Variants in DNAH7 observed in about 807,000 individuals in gnomAD.
DNAH7 encodes axonemal beta dynein heavy chain 7.
A neutral mutation model predicts 444.6 loss-of-function variants in DNAH7; 397 were observed. The ratio of observed to expected loss-of-function variants is 0.89; its 90% CI spans 0.82 to 0.97. The LOEUF (loss-of-function observed/expected upper bound fraction) is 0.97, where lower values mean the gene tolerates loss of function less well. Among genes scored for constraint, DNAH7 ranks in the 50% least tolerant of loss-of-function variants. The probability of loss-of-function intolerance (pLI) is 0.00; values close to 1 mark genes in which losing one functional copy is unlikely to be tolerated. For synonymous variants in DNAH7, 1,636 were observed against 1,624.4 expected, an observed-to-expected ratio of 1.01 and a Z score of -0.17; for missense variants, 4,902 against 4,800.8, an observed-to-expected ratio of 1.02 and a Z score of -0.62.
intron 24 of DNAH7, among the ~76,000 whole-genome samples, chr2:195,914,408 G>A (rs945054140): frequency 2.6e-5 from 4 of 152,192 alleles, no homozygotes; most frequent in African/African-American, 9.7e-5. Context: ...CTGGGTACAA[G>A]GTACAGCTGT....
rs1393878668 is a variant in DNAH7 at position 195,861,841 on chromosome 2, G to A, written c.7612C>T (p.His2538Tyr). The change falls in exon 42 of 65, where the codon CAC (histidine) becomes TAC (tyrosine). Residue 2538 changes from histidine to tyrosine, a missense_variant. Physicochemically the swap from His to Tyr is moderately conservative, Grantham distance 83. Transcript: ENST00000312428. ...TTGGATAAATCTATAGTAGAAGTGT[G>A]GAAGCTTTTACACATGTCGATACAG... is the stretch of plus-strand genomic sequence containing the variant. Reference protein sequence around the residue: ...DGCIDMCKSFHTSTIDLSKSF... With the variant: ...DGCIDMCKSFYTSTIDLSKSF... 2 of 1,613,682 alleles carry A rather than the reference G, an allele frequency of 1.2e-6. No individual in the cohort carries two copies. The highest frequency in any genetic ancestry group is 1.7e-6 in the Non-Finnish European group (2 of 1,179,644).
intron 28 of DNAH7, among the ~76,000 whole-genome samples, chr2:195,898,586 A>G (rs1217895799): frequency 6.6e-6 from 1 of 152,202 alleles, no homozygotes; most frequent in African/African-American, 2.4e-5. Context: ...AGCGGCTTCA[A>G]AAAGGTTCAA....
chr2:195,886,119 T>C (rs1158481694), intron 34 of DNAH7, 22 bp downstream of exon 34: 5 of 1,606,874 alleles, frequency 3.1e-6, no homozygotes, highest in Non-Finnish European at 4.2e-6. Flanking sequence ...TGTAGCAGGA[T>C]ACAGAAGGCA....
chr2:195,971,946 A>G (rs148390644), intron 16 of DNAH7, among the ~76,000 whole-genome samples: 3 of 152,322 alleles, frequency 2.0e-5, no homozygotes, highest in Non-Finnish European at 2.9e-5. Context: ...GATAAATACT[A>G]TTTTTATTAA....
intron 45 of DNAH7, among the ~76,000 whole-genome samples, chr2:195,854,791 A>T (rs1449172900): frequency 6.6e-6 from 1 of 152,208 alleles, no homozygotes; most frequent in African/African-American, 2.4e-5. Context: ...ATTTTCAAAC[A>T]TATAGGAGAG....
chr2:195,848,371 G>T (rs142978785), intron 46 of DNAH7, among the ~76,000 whole-genome samples: 2 of 152,316 alleles, frequency 1.3e-5, no homozygotes, highest in African/African-American at 4.8e-5. Context: ...AAATGTCACA[G>T]AAATCATGTG....
At chr2:195,795,502 A>G (rs1327591580) in intron 56 of DNAH7, among the ~76,000 whole-genome samples, 2 of 152,250 alleles carry the variant, frequency 1.3e-5, no homozygotes, top group African/African-American at 4.8e-5. Flanking sequence ...AACTATGATG[A>G]CGTATACTCT....
At chr2:195,884,833 TAAG>T in intron 34 of DNAH7, 24 bp from the exon 35 acceptor site, 1 of 1,563,342 alleles carries the variant, frequency 6.4e-7, no homozygotes, top group Non-Finnish European at 8.8e-7. Context: ...ATGAGAAGAT[TAAG>T]AACAATTAAA....
intron 2 of DNAH7, among the ~76,000 whole-genome samples, chr2:196,056,410 A>G: frequency 7.0e-6 from 1 of 142,742 alleles, no homozygotes; most frequent in African/African-American, 2.6e-5. Flanking sequence ...ATGCCACTGC[A>G]CTCTGTCTGA....
rs546534889 is a variant in DNAH7 at position 195,760,116 on chromosome 2, C to T, written c.11434-3831G>A. Reference sequence around the variant, plus strand: ...GCCTTGAGTAAGATCAGCAGTAGCCCGGCAGTACTCCCTGTGAACCTGTGA... The same window carrying T: ...GCCTTGAGTAAGATCAGCAGTAGCCTGGCAGTACTCCCTGTGAACCTGTGA... On this transcript the variant is annotated intron_variant, in intron 61 of 64. Coordinates refer to ENST00000312428, the MANE Select transcript of DNAH7 (RefSeq NM_018897.3). Among the ~76,000 whole-genome samples the T allele has an allele frequency of 8.7e-4, 133 of 152,244 alleles. 1 individual carries two copies. In the Middle Eastern group the frequency reaches 0.01, roughly 12 times the overall value.
chr2:195,832,724 G>A (rs1168710697), intron 48 of DNAH7, among the ~76,000 whole-genome samples: 3 of 152,142 alleles, frequency 2.0e-5, no homozygotes, highest in Non-Finnish European at 2.9e-5. Flanking sequence ...TTACAGGCAT[G>A]AGCCACTGTG....
At chr2:196,060,031 C>G (rs528515578) in intron 1 of DNAH7, among the ~76,000 whole-genome samples, 7 of 152,012 alleles carry the variant, frequency 4.6e-5, no homozygotes, top group Non-Finnish European at 1.0e-4. Flanking sequence ...CTGGCTAACA[C>G]GGTGAAACCC....
At chr2:195,902,464 AAAG>A (rs1192561869) in intron 27 of DNAH7, 4 of 151,694 alleles carry the variant, frequency 2.6e-5, no homozygotes, top group African/African-American at 7.3e-5. Context: ...CTACTTTTTT[AAAG>A]AATAAAAGAA....
At chr2:195,765,584 C>T (rs1187450960) in intron 61 of DNAH7, among the ~76,000 whole-genome samples, 1 of 152,122 alleles carries the variant, frequency 6.6e-6, no homozygotes, top group Non-Finnish European at 1.5e-5. Context: ...ATAGACATTT[C>T]TCAAAAGAAG....
chr2:195,778,627 A>AAAAT (rs1319352168), intron 58 of DNAH7, among the ~76,000 whole-genome samples: 1 of 47,258 alleles, frequency 2.1e-5, no homozygotes, highest in African/African-American at 1.0e-4. Context: ...TGAAAAAAAA[A>AAAAT]AAAAATAAAT....
chr2:195,881,855 G>T lies in DNAH7; in HGVS notation c.5901C>A (p.Thr1967=), dbSNP rs778276007. Residue 1967 remains threonine, a synonymous_variant, in exon 36 of 65, where the codon ACC becomes ACA. Coordinates refer to ENST00000312428, the MANE Select transcript of DNAH7 (RefSeq NM_018897.3). ...CTACAAATATTGAAGGCTTTTGATG[G>T]GTGGTCAGCAATTCCATTAATGCAG... ...RYSALMELLT[T]HQKPSIFVGP... is the part of the protein sequence containing the mutation. 8.7e-6 allele frequency: 14 copies of T among 1,613,882 alleles called. No individual in the cohort carries two copies. The highest frequency in any genetic ancestry group is 1.2e-5 in the Non-Finnish European group (14 of 1,179,932).
At chr2:196,024,280 A>G (rs540029593) in intron 8 of DNAH7, 149 bp downstream of exon 8, 20 of 469,594 alleles carry the variant, frequency 4.3e-5, no homozygotes, top group African/African-American at 3.9e-4. Context: ...CAATAAGATG[A>G]GGCATGCCTG....
At chr2:195,770,868 T>A (rs1039551063) in intron 61 of DNAH7, among the ~76,000 whole-genome samples, 1 of 118,384 alleles carries the variant, frequency 8.4e-6, no homozygotes, top group East Asian at 3.8e-4. Flanking sequence ...TGCCCAGCAT[T>A]TTTTTTTTTT....
rs368859137 is a variant in DNAH7 at position 195,817,873 on chromosome 2, TAA to T, written c.9292-46_9292-45del. On this transcript the variant is annotated intron_variant, in intron 49 of 64. Coordinates refer to ENST00000312428, the MANE Select transcript of DNAH7 (RefSeq NM_018897.3). ...ACAAAAATTACATCATTATTTCTGT[TAA>T]AAAGTCTCTGCTTTTATGTGTCAAG... 493 of 1,441,760 alleles carry T rather than the reference TAA, an allele frequency of 3.4e-4. 1 individual carries two copies. In the African/African-American group the frequency reaches 6.4e-3, roughly 19 times the overall value. 89.3% of individuals were successfully genotyped at this position (1,441,760 alleles called of 1,614,324 possible). A position where few individuals can be genotyped will look rare whatever the true frequency, so the allele number is the denominator to read the frequency against.
Sources: gnomAD v4.1 joint callset for allele counts (sites outside exome capture counted in the v4.1 genomes callset) on GRCh38, gnomAD v4.1.1 for gene constraint, MANE v1.5 for transcripts, NCBI Gene and HGNC (gene_info 2026-07-23, HGNC 2026-07-21) for gene names.